ARHGAP22: variants seen among roughly 807,000 people sequenced by gnomAD.
The protein encoded by ARHGAP22 is Rho GTPase activating protein 22, also known as rho GTPase-activating protein 22.
ARHGAP22 carries 48 observed loss-of-function variants against 59.1 expected under a neutral mutation model. That is an observed-to-expected ratio of 0.81 (90% CI 0.64 to 1.03). ARHGAP22 has a LOEUF of 1.03. Ranked by LOEUF, ARHGAP22 falls within the 50% of genes least tolerant of loss-of-function variation. ARHGAP22 has a pLI of 0.00. For synonymous variants in ARHGAP22, 445 were observed against 416.4 expected, an observed-to-expected ratio of 1.07 and a Z score of -0.84; for missense variants, 1,015 against 958.7, an observed-to-expected ratio of 1.06 and a Z score of -0.78.
intron 3 of ARHGAP22, among the ~76,000 whole-genome samples, chr10:48,495,955 A>T (rs2050880516): frequency 6.6e-6 from 1 of 152,122 alleles, no homozygotes; most frequent in Non-Finnish European, 1.5e-5. Flanking sequence ...ACTGTCCCTT[A>T]CAAATAGCCG....
At chr10:48,443,454 TC>T (rs1345862758), downstream of ARHGAP22, among the ~76,000 whole-genome samples, 3 of 152,100 alleles carry the variant, frequency 2.0e-5, no homozygotes, top group African/African-American at 7.2e-5. Flanking sequence ...ACCCCTGTGC[TC>T]AAGTGTTGCG....
chr10:48,552,874 G>GT (rs749613247), intron 3 of ARHGAP22, among the ~76,000 whole-genome samples: 2 of 152,232 alleles, frequency 1.3e-5, no homozygotes, highest in African/African-American at 4.8e-5. Context: ...AGCAACTGCT[G>GT]TAACAGGAAG....
At chr10:48,591,220 G>T (rs919671962) in intron 1 of ARHGAP22, among the ~76,000 whole-genome samples, 5 of 152,190 alleles carry the variant, frequency 3.3e-5, no homozygotes, top group African/African-American at 1.2e-4. Flanking sequence ...TGAAGCCTGA[G>T]ATGAAAACAC....
intron 1 of ARHGAP22, among the ~76,000 whole-genome samples, chr10:48,585,210 G>A (rs1002427583): frequency 1.3e-5 from 2 of 152,138 alleles, no homozygotes; most frequent in Non-Finnish European, 2.9e-5. Context: ...GTAGCCATAT[G>A]TTTCAAAGAA....
chr10:48,454,803 C>G (rs1236304220), intron 6 of ARHGAP22, among the ~76,000 whole-genome samples, 199 bp downstream of exon 6: 1 of 152,058 alleles, frequency 6.6e-6, no homozygotes, highest in East Asian at 1.9e-4. Context: ...CCCAGCCCTC[C>G]CCGACCTGAG....
At chr10:48,635,990 G>T (rs1474355954) in intron 1 of ARHGAP22, among the ~76,000 whole-genome samples, 1 of 152,222 alleles carries the variant, frequency 6.6e-6, no homozygotes, top group East Asian at 1.9e-4. Flanking sequence ...AACCGTGCAA[G>T]GTGATCTCAA....
chr10:48,518,211 G>A (rs1187626520), intron 3 of ARHGAP22, among the ~76,000 whole-genome samples: 1 of 152,112 alleles, frequency 6.6e-6, no homozygotes, highest in Non-Finnish European at 1.5e-5. Context: ...ATCCCAGCAT[G>A]TGGTTCCAGG....
chr10:48,540,619 T>C (rs544851981), intron 3 of ARHGAP22, among the ~76,000 whole-genome samples: 1 of 152,234 alleles, frequency 6.6e-6, no homozygotes, highest in Non-Finnish European at 1.5e-5. Flanking sequence ...ATCCTGTGCA[T>C]TGAAAATATT....
intron 3 of ARHGAP22, among the ~76,000 whole-genome samples, chr10:48,522,983 T>C (rs996887710): frequency 1.3e-5 from 2 of 152,246 alleles, no homozygotes; most frequent in Non-Finnish European, 2.9e-5. Context: ...ATATATGTTA[T>C]AAGCTACTTC....
chr10:48,577,984 T>G lies in ARHGAP22; in HGVS notation c.234+4969A>C, dbSNP rs750007799. On this transcript the variant is annotated intron_variant, in intron 2 of 9. Transcript: ENST00000249601. ...CCAGCACACCCGGCTAATTTTTGTA[T>G]TTTTAGTAGAAACGGGGTTTCACCA... Among the ~76,000 whole-genome samples, 5 of 151,832 alleles carry G rather than the reference T, an allele frequency of 3.3e-5. No homozygotes were observed. In the East Asian group the frequency reaches 9.7e-4, roughly 29 times the overall value.
chr10:48,531,666 CA>C lies in ARHGAP22; in HGVS notation c.322+23796del, dbSNP rs2054860375. ...CTTGCAAGAGGAGGGCACCGAAGTA[CA>C]GAGAAGTGAGGGCACCGAAGTACAG... On this transcript the variant is annotated intron_variant, in intron 3 of 9. Coordinates refer to ENST00000249601, the MANE Select transcript of ARHGAP22 (RefSeq NM_021226.4). 7.0e-4 allele frequency among the ~76,000 whole-genome samples: 3 copies of C among 4,292 alleles called. No homozygotes were observed. In the South Asian group the frequency reaches 0.013, roughly 18 times the overall value. The allele number at this position is 4,292 out of a possible 152,430, so 2.8% of individuals were successfully genotyped here.
intron 3 of ARHGAP22, among the ~76,000 whole-genome samples, chr10:48,488,776 C>A (rs1192311805): frequency 6.6e-6 from 1 of 152,186 alleles, no homozygotes; most frequent in Non-Finnish European, 1.5e-5. Context: ...GGGTAGTTTT[C>A]CTCATGTGCA....
intron 1 of ARHGAP22, among the ~76,000 whole-genome samples, chr10:48,615,221 G>A (rs557373000): frequency 6.9e-4 from 105 of 152,286 alleles, no homozygotes; most frequent in Middle Eastern, 3.4e-3. Flanking sequence ...GCTAAAACAC[G>A]GTTGTAAATT....
chr10:48,584,723 G>A (rs7079932), intron 1 of ARHGAP22, among the ~76,000 whole-genome samples: 122,228 of 152,212 alleles, frequency 0.8, 49,470 homozygotes, highest in East Asian at 1. Context: ...GGCTGGGCGC[G>A]GTGGCTCACG....
At chr10:48,608,698 G>A (rs1403017998), upstream of ARHGAP22, among the ~76,000 whole-genome samples, 1 of 152,138 alleles carries the variant, frequency 6.6e-6, no homozygotes, top group Non-Finnish European at 1.5e-5. Context: ...TCATACTTTG[G>A]TTTCTCCTTC....
At chr10:48,440,217 A>G in the ARHGAP22 span, among the ~76,000 whole-genome samples, 4 of 151,858 alleles carry the variant, frequency 2.6e-5, no homozygotes, top group Non-Finnish European at 4.4e-5. Flanking sequence ...TTTAAGAAAA[A>G]TTTTTTTAGC....
chr10:48,563,746 T>C (rs886227282), intron 2 of ARHGAP22, among the ~76,000 whole-genome samples: 2 of 152,234 alleles, frequency 1.3e-5, no homozygotes, highest in Non-Finnish European at 2.9e-5. Flanking sequence ...TGATAAAAAC[T>C]TGCAATGTAA....
intron 3 of ARHGAP22, among the ~76,000 whole-genome samples, chr10:48,504,166 T>C (rs968029476): frequency 1.3e-5 from 2 of 152,080 alleles, no homozygotes; most frequent in Admixed American, 6.6e-5. Flanking sequence ...GGACTGCCAG[T>C]CCTGGGATGA....
intron 1 of ARHGAP22, among the ~76,000 whole-genome samples, chr10:48,585,100 C>G (rs2059350344): frequency 6.6e-6 from 1 of 152,100 alleles, no homozygotes; most frequent in African/African-American, 2.4e-5. Flanking sequence ...TGAGGCAGGG[C>G]TTGGAACATG....
Sources: allele counts gnomAD v4.1 joint callset (sites outside exome capture counted in the v4.1 genomes callset), GRCh38; gene constraint gnomAD v4.1.1; transcripts MANE v1.5; gene names NCBI Gene and HGNC (gene_info 2026-07-23, HGNC 2026-07-21).